Variants in PTGFR observed in about 807,000 individuals in gnomAD.
The protein encoded by PTGFR is prostaglandin F2-alpha receptor.
Under a neutral mutation model 26.2 loss-of-function variants are expected in PTGFR, and 15 were observed. The observed-to-expected ratio is 0.57, with a 90% CI of 0.38 to 0.88. PTGFR has a LOEUF of 0.88. Among genes scored for constraint, PTGFR ranks in the 40% least tolerant of loss-of-function variants. The probability of loss-of-function intolerance (pLI) is 0.00; values close to 1 mark genes in which losing one functional copy is unlikely to be tolerated. For synonymous variants in PTGFR, 165 were observed against 151.1 expected (o/e 1.09, Z -0.68); for missense variants, 369 against 427.2 (o/e 0.86, Z 1.20).
chr1:78,504,070 T>G (rs1020511085), intron 2 of PTGFR, among the ~76,000 whole-genome samples: 1 of 152,186 alleles, frequency 6.6e-6, no homozygotes, highest in Non-Finnish European at 1.5e-5. Flanking sequence ...GGGAACTCTG[T>G]TGGAAAGGTG....
intron 2 of PTGFR, among the ~76,000 whole-genome samples, chr1:78,507,206 T>C (rs749848590): frequency 2.6e-5 from 4 of 152,184 alleles, no homozygotes; most frequent in Admixed American, 6.5e-5. Context: ...GTTTAGCTAC[T>C]CTGCACGGCA....
intron 2 of PTGFR, among the ~76,000 whole-genome samples, chr1:78,508,510 C>A (rs1381299393): frequency 6.6e-6 from 1 of 152,110 alleles, no homozygotes; most frequent in African/African-American, 2.4e-5. Context: ...GCTCCAAGTA[C>A]AGCCTAGGAA....
intron 2 of PTGFR, among the ~76,000 whole-genome samples, chr1:78,516,011 CAA>C (rs1165942319): frequency 6.6e-6 from 1 of 152,076 alleles, no homozygotes; most frequent in African/African-American, 2.4e-5. Context: ...TAAAAAGAGT[CAA>C]GTTTTTTGAA....
chr1:78,534,677 T>TA (rs1650603079), intron 2 of PTGFR, among the ~76,000 whole-genome samples: 1 of 150,802 alleles, frequency 6.6e-6, no homozygotes, highest in Non-Finnish European at 1.5e-5. Context: ...CTTTTTTCTA[T>TA]GAACAAAATT....
intron 2 of PTGFR, chr1:78,497,978 AT>A: frequency 6.8e-7 from 1 of 1,471,394 alleles, no homozygotes; most frequent in Admixed American, 1.7e-5. Context: ...TCTCTTGCAA[AT>A]GTAGAATTGG....
intron 2 of PTGFR, among the ~76,000 whole-genome samples, chr1:78,508,712 T>C (rs1044388047): frequency 4.6e-5 from 7 of 152,240 alleles, no homozygotes; most frequent in Non-Finnish European, 7.3e-5. Flanking sequence ...GCAGTAAGAA[T>C]GCAAAATGTA....
intron 2 of PTGFR, among the ~76,000 whole-genome samples, chr1:78,511,225 A>T (rs1188656631): frequency 6.6e-6 from 1 of 152,114 alleles, no homozygotes; most frequent in Admixed American, 6.5e-5. Context: ...CCAACCCAAA[A>T]CTTTTCCTCT....
chr1:78,511,219 C>T (rs965198169), intron 2 of PTGFR, among the ~76,000 whole-genome samples: 1 of 152,180 alleles, frequency 6.6e-6, no homozygotes, highest in Non-Finnish European at 1.5e-5. Context: ...GGGGCTCCAA[C>T]CCAAAACTTT....
At chr1:78,501,571 T>C (rs1649707281) in intron 2 of PTGFR, among the ~76,000 whole-genome samples, 1 of 152,222 alleles carries the variant, frequency 6.6e-6, no homozygotes, top group Non-Finnish European at 1.5e-5. Flanking sequence ...CCTCAGCTAT[T>C]GTATCCCAAA....
chr1:78,499,240 CTCT>C (rs773528587), intron 2 of PTGFR, among the ~76,000 whole-genome samples: 1 of 152,210 alleles, frequency 6.6e-6, no homozygotes, highest in Non-Finnish European at 1.5e-5. Flanking sequence ...ATATCCCCTC[CTCT>C]ATCTGGGCTA....
At position 78,538,064 on chromosome 1, in the gene PTGFR, C is replaced by T. The variant is rs1650701786; in HGVS notation, c.*1377C>T. Reference sequence around the variant, plus strand: ...CCCTGTTAGGCTGATTTCAGATTCTCTAGGAAATCTGTGTAAGTAACCAGA... The same window carrying T: ...CCCTGTTAGGCTGATTTCAGATTCTTTAGGAAATCTGTGTAAGTAACCAGA... On this transcript the variant is annotated 3_prime_UTR_variant, in exon 3 of 3. Transcript: ENST00000370757. The T allele has an allele frequency of 6.6e-6, 1 of 152,080 alleles. No individual in the cohort carries two copies. Among genetic ancestry groups the T allele is most frequent in the Admixed American group, 6.6e-5 (1 of 15,244 alleles). The allele number at this position is 152,080 out of a possible 1,614,324, so 9.4% of individuals were successfully genotyped here. A position where few individuals can be genotyped will look rare whatever the true frequency, so the allele number is the denominator to read the frequency against.
At chr1:78,496,299 G>T (rs956356083) in intron 2 of PTGFR, among the ~76,000 whole-genome samples, 1 of 152,074 alleles carries the variant, frequency 6.6e-6, no homozygotes, top group Non-Finnish European at 1.5e-5. Flanking sequence ...GATTTTAATA[G>T]ATATTAATTA....
chr1:78,498,571 G>A (rs2100353346), intron 2 of PTGFR, among the ~76,000 whole-genome samples: 1 of 152,144 alleles, frequency 6.6e-6, no homozygotes, highest in Non-Finnish European at 1.5e-5. Context: ...AAATAAGAGG[G>A]ATTCTAGTGG....
rs1230480720 is a variant in PTGFR, at chr1:78,529,039, GA to G, written c.799-7360del. ...CACATTTCAATAAGTAGATAGATGA[GA>G]AAAAAATTCTCATTAAATAATTAAT... On this transcript the variant is annotated intron_variant, in intron 2 of 2. Coordinates refer to ENST00000370757, the MANE Select transcript of PTGFR (RefSeq NM_000959.4). 5.3e-5 allele frequency among the ~76,000 whole-genome samples: 8 copies of G among 152,126 alleles called. 1 individual carries two copies. Among genetic ancestry groups the G allele is most frequent in the African/African-American group, 1.9e-4 (8 of 41,522 alleles).
intron 2 of PTGFR, among the ~76,000 whole-genome samples, chr1:78,508,913 G>A (rs914303559): frequency 1.3e-5 from 2 of 152,048 alleles, no homozygotes; most frequent in Non-Finnish European, 2.9e-5. Context: ...TTTTACTGAG[G>A]TGATTTTCAA....
chr1:78,540,033 C>T lies in PTGFR; in HGVS notation c.*3346C>T, dbSNP rs1650756635. ...ATGTGTCTGTAATAAGAAACAATCT[C>T]CAAATTACAGCGCCATAAACTTCAC... On this transcript the variant is annotated 3_prime_UTR_variant, in exon 3 of 3. Coordinates refer to ENST00000370757, the MANE Select transcript of PTGFR (RefSeq NM_000959.4). Among the ~76,000 whole-genome samples, 1 of 151,980 alleles carries T rather than the reference C, an allele frequency of 6.6e-6. No individual in the cohort carries two copies. Among genetic ancestry groups the T allele is most frequent in the South Asian group, 2.1e-4 (1 of 4,818 alleles).
At chr1:78,516,062 A>G (rs1196324326) in intron 2 of PTGFR, among the ~76,000 whole-genome samples, 1 of 152,190 alleles carries the variant, frequency 6.6e-6, no homozygotes, top group Non-Finnish European at 1.5e-5. Context: ...ATCGTTTTAA[A>G]TTTAAAATTC....
rs998167528 is a variant in PTGFR, at chr1:78,537,285, G to C, written c.*598G>C. On this transcript the variant is annotated 3_prime_UTR_variant, in exon 3 of 3. Transcript: ENST00000370757. The stretch of plus-strand genomic sequence containing the variant: ...TCCTATCTAGAATGGGCCCATTCTT[G>C]TCATATTTGACAAATAGGACTGCCT... 1 of 152,030 alleles carries C rather than the reference G, an allele frequency of 6.6e-6. No homozygotes were observed. Among genetic ancestry groups the C allele is most frequent in the African/African-American group, 2.4e-5 (1 of 41,418 alleles). The allele number at this position is 152,030 out of a possible 1,614,324, so 9.4% of individuals were successfully genotyped here. A position where few individuals can be genotyped will look rare whatever the true frequency, so the allele number is the denominator to read the frequency against.
chr1:78,512,350 C>T (rs143261797), intron 2 of PTGFR, among the ~76,000 whole-genome samples: 10 of 152,262 alleles, frequency 6.6e-5, no homozygotes, highest in African/African-American at 1.4e-4. Flanking sequence ...TGAATTGGCT[C>T]ATGGTTCTGT....
Sources: gnomAD v4.1 joint callset for allele counts (sites outside exome capture counted in the v4.1 genomes callset) on GRCh38, gnomAD v4.1.1 for gene constraint, MANE v1.5 for transcripts, NCBI Gene and HGNC (gene_info 2026-07-23, HGNC 2026-07-21) for gene names.